The following ITGA11 variants were observed in gnomAD, a reference collection of about 807,000 sequenced individuals.
ITGA11 encodes the protein integrin alpha-11.
Under a neutral mutation model 141.9 loss-of-function variants are expected in ITGA11, and 97 were observed. That is an observed-to-expected ratio of 0.68 (90% CI 0.58 to 0.81). The LOEUF (loss-of-function observed/expected upper bound fraction) is 0.81. Ranked by LOEUF, ITGA11 falls within the 30% of genes least tolerant of loss-of-function variation. ITGA11 has a pLI of 0.00. For missense variants in ITGA11, 1,387 were observed against 1,559.2 expected (o/e 0.89, Z 1.86); for synonymous variants, 658 against 624.6 (o/e 1.05, Z -0.80).
chr15:68,327,861 C>T (rs890476938), intron 16 of ITGA11, among the ~76,000 whole-genome samples: 5 of 152,212 alleles, frequency 3.3e-5, no homozygotes, highest in African/African-American at 1.2e-4. Context: ...TCCTTCTTCT[C>T]CTGTCCTCCC....
In ITGA11 at chr15:68,307,166, G is replaced by A. The variant is rs556525528; in HGVS notation, c.3381+182C>T. On this transcript the variant is annotated intron_variant, in intron 28 of 29. Transcript: ENST00000315757. The surrounding 1 kb of genome is among the most constrained non-coding windows in gnomAD (Gnocchi z 6.1). ...GGACCTTCCCTAGTGTTGCCCCTGA[G>A]GCTTTGTCTTGCTTTTTTCCCTCTT... Among the ~76,000 whole-genome samples the A allele has an allele frequency of 5.3e-5, 8 of 152,306 alleles. No individual in the cohort carries two copies. The East Asian group carries it at 1.4e-3, about 26-fold the overall frequency.
chr15:68,335,953 G>A lies in ITGA11; in HGVS notation c.1277-108C>T. On this transcript the variant is annotated intron_variant, in intron 11 of 29. Coordinates refer to ENST00000315757, the MANE Select transcript of ITGA11 (RefSeq NM_001004439.2). This position sits in a 1 kb window ranked among gnomAD's most constrained non-coding sequence, Gnocchi z 4.9. ...CAGAGGATGGGCCAGTGATGGGGTAGGTTCAGGGCTAGCTGAGCAGATTCA... is the reference window on the plus strand; with the variant it reads ...CAGAGGATGGGCCAGTGATGGGGTAAGTTCAGGGCTAGCTGAGCAGATTCA... 1 of 1,297,138 alleles carries A rather than the reference G, an allele frequency of 7.7e-7. No individual in the cohort carries two copies. Among genetic ancestry groups the A allele is most frequent in the Non-Finnish European group, 1.1e-6 (1 of 936,342 alleles). The allele number at this position is 1,297,138 out of a possible 1,614,324, so 80.4% of individuals were successfully genotyped here.
Position 68,311,319 on chromosome 15 carries a change from G to A in ITGA11, c.3058C>T (p.Leu1020=), listed in dbSNP as rs781066105. 6.3e-7 allele frequency: 1 copy of A among 1,576,038 alleles called. No individual in the cohort carries two copies. Among genetic ancestry groups the A allele is most frequent in the Non-Finnish European group, 8.6e-7 (1 of 1,159,790 alleles). The change falls in exon 25 of 30, where the codon CTG becomes TTG. Residue 1020 remains leucine (L), a synonymous_variant. Transcript: ENST00000315757. ...PIATRSGNRL[L]KLRDFLTDEA... is the part of the protein sequence containing the mutation. ...TCCGTGAGGAAGTCCCTCAGCTTCAGTAGGCGGTTGCCGCTCCTGGTGGCG... is the reference window on the plus strand; with the variant it reads ...TCCGTGAGGAAGTCCCTCAGCTTCAATAGGCGGTTGCCGCTCCTGGTGGCG...
In ITGA11 at chr15:68,321,769, G is replaced by A. The variant is rs1001931402; in HGVS notation, c.2323-266C>T. 2.0e-5 allele frequency among the ~76,000 whole-genome samples: 3 copies of A among 152,166 alleles called. No homozygotes were observed. The highest frequency in any genetic ancestry group is 1.9e-4 in the East Asian group (1 of 5,194). On this transcript the variant is annotated intron_variant, in intron 18 of 29. Coordinates refer to ENST00000315757, the MANE Select transcript of ITGA11 (RefSeq NM_001004439.2). The surrounding 1 kb of genome is among the most constrained non-coding windows in gnomAD (Gnocchi z 4.9). ...CCCACCCCCACTCACCCAGCAGAGC[G>A]GTTCTGGTCAACATTTATTGATCAT... is the stretch of plus-strand genomic sequence containing the variant.
rs74023104 is a variant in ITGA11 at position 68,300,246 on chromosome 15, C to A, written c.*2813G>T. ...AGTCCTGGGACCACTCTTTGAGAAG[C>A]GCAGCGCTGCAGAGATCATCTGCTT... On this transcript the variant is annotated 3_prime_UTR_variant, in exon 30 of 30. Coordinates refer to ENST00000315757, the MANE Select transcript of ITGA11 (RefSeq NM_001004439.2). The A allele has an allele frequency of 6.6e-6, 1 of 152,294 alleles. No individual in the cohort carries two copies. Among genetic ancestry groups the A allele is most frequent in the Admixed American group, 6.5e-5 (1 of 15,302 alleles). The allele number at this position is 152,294 out of a possible 1,614,324, so 9.4% of individuals were successfully genotyped here.
chr15:68,306,247 T>G (rs1595848292), intron 28 of ITGA11, among the ~76,000 whole-genome samples: 13 of 127,796 alleles, frequency 1.0e-4, no homozygotes, highest in Non-Finnish European at 1.5e-4. Context: ...TTTTGGGGGG[T>G]TGAGTGGGGG....
At chr15:68,408,908 C>G (rs1896706408) in intron 1 of ITGA11, among the ~76,000 whole-genome samples, 2 of 152,182 alleles carry the variant, frequency 1.3e-5, no homozygotes, top group African/African-American at 4.8e-5. Context: ...GTGGGTGACC[C>G]TGGGGAGTTA....
At chr15:68,361,516 T>G (rs1215451511) in intron 5 of ITGA11, 74 bp downstream of exon 5, 1 of 947,304 alleles carries the variant, frequency 1.1e-6, no homozygotes, top group East Asian at 2.6e-5. Context: ...AGCCACAGGT[T>G]GTTGTGCTCA....
At chr15:68,320,485 G>A (rs933693033) in intron 19 of ITGA11, 93 bp from the exon 20 acceptor site, 4 of 1,030,336 alleles carry the variant, frequency 3.9e-6, no homozygotes, top group Admixed American at 2.2e-5. Flanking sequence ...AGGTGGGTCT[G>A]GGCACTTGAC....
Position 68,382,050 on chromosome 15 carries a change from G to C in ITGA11, c.165-12766C>G, listed in dbSNP as rs1010929033. ...TAGGGAATCATTGTTTACATGGACT[G>C]CTTCGAAGTCTTTTCTGTCTGGTTC... On this transcript the variant is annotated intron_variant, in intron 2 of 29. Coordinates refer to ENST00000315757, the MANE Select transcript of ITGA11 (RefSeq NM_001004439.2). Among the ~76,000 whole-genome samples the C allele has an allele frequency of 1.9e-4, 29 of 152,298 alleles. 1 individual carries two copies. The highest frequency in any genetic ancestry group is 1.8e-3 in the Admixed American group (28 of 15,304).
intron 2 of ITGA11, among the ~76,000 whole-genome samples, chr15:68,376,929 G>T (rs1293848108): frequency 6.6e-6 from 1 of 152,178 alleles, no homozygotes; most frequent in Non-Finnish European, 1.5e-5. Flanking sequence ...ATCCTCTGGG[G>T]TGTACAGGCA....
At chr15:68,394,834 C>T (rs1276033404) in intron 2 of ITGA11, among the ~76,000 whole-genome samples, 1 of 152,166 alleles carries the variant, frequency 6.6e-6, no homozygotes, top group Non-Finnish European at 1.5e-5. Context: ...GTACAAATTA[C>T]TTGAAAAACC....
intron 11 of ITGA11, among the ~76,000 whole-genome samples, chr15:68,338,994 C>T (rs137928124): frequency 1.3e-5 from 2 of 152,322 alleles, no homozygotes; most frequent in Non-Finnish European, 2.9e-5. Flanking sequence ...GCTAAGGCCT[C>T]GCTGCTGGGA....
intron 9 of ITGA11, 88 bp downstream of exon 9, chr15:68,350,529 C>T (rs149591074): frequency 5.0e-5 from 65 of 1,295,206 alleles, no homozygotes; most frequent in Non-Finnish European, 6.1e-5. Flanking sequence ...TAAGCCATTT[C>T]GTTTTGTGGG....
In ITGA11 at chr15:68,299,320, C is replaced by T. The variant is rs1892974675; in HGVS notation, c.*3739G>A. 1 of 152,050 alleles carries T rather than the reference C, an allele frequency of 6.6e-6. No individual in the cohort carries two copies. Among genetic ancestry groups the T allele is most frequent in the African/African-American group, 2.4e-5 (1 of 41,390 alleles). The allele number at this position is 152,050 out of a possible 1,614,324, so 9.4% of individuals were successfully genotyped here. ...GAAACTAATAGAATAGACAGTGACA[C>T]AAAAGCACTGTGCAGATTTTAACGT... On this transcript the variant is annotated 3_prime_UTR_variant, in exon 30 of 30. Transcript: ENST00000315757.
chr15:68,423,161 G>T (rs7165618), intron 1 of ITGA11, among the ~76,000 whole-genome samples: 108,871 of 152,136 alleles, frequency 0.72, 40,132 homozygotes, highest in African/African-American at 0.9. Context: ...TGCAAGACCC[G>T]GGGATACAGT....
In ITGA11 at chr15:68,432,081, C is replaced by G; in HGVS notation, c.-15G>C. 1 of 1,366,478 alleles carries G rather than the reference C, an allele frequency of 7.3e-7. No homozygotes were observed. Among genetic ancestry groups the G allele is most frequent in the South Asian group, 2.0e-5 (1 of 49,360 alleles). 84.6% of individuals were successfully genotyped at this position (1,366,478 alleles called of 1,614,324 possible). On this transcript the variant is annotated 5_prime_UTR_variant, in exon 1 of 30. Transcript: ENST00000315757. ...GGCAGGTCCATGGCCCGCGGCACGG[C>G]GGCTGGGTCCGGTGTGCAGCGGCGG...
At chr15:68,416,481 T>C (rs1027471152) in intron 1 of ITGA11, among the ~76,000 whole-genome samples, 1 of 152,188 alleles carries the variant, frequency 6.6e-6, no homozygotes. Flanking sequence ...AATGGGCTGG[T>C]TAAGCAGATG....
intron 2 of ITGA11, among the ~76,000 whole-genome samples, chr15:68,395,822 A>G (rs1167933761): frequency 1.4e-5 from 2 of 145,852 alleles, no homozygotes; most frequent in African/African-American, 5.2e-5. Context: ...GTATACCTAT[A>G]TATCAAAACT....
Sources: allele counts gnomAD v4.1 joint callset (sites outside exome capture counted in the v4.1 genomes callset), GRCh38; gene constraint gnomAD v4.1.1; non-coding constraint Gnocchi (gnomAD v3.1); transcripts MANE v1.5; gene names NCBI Gene and HGNC (gene_info 2026-07-23, HGNC 2026-07-21).